CC2D2B: variants seen among roughly 807,000 people sequenced by gnomAD.
The protein encoded by CC2D2B is coiled-coil and C2 domain containing 2B, also known as protein CC2D2B.
Under a neutral mutation model 161.2 loss-of-function variants are expected in CC2D2B, and 128 were observed. The ratio of observed to expected loss-of-function variants is 0.79; its 90% confidence interval spans 0.69 to 0.92. The LOEUF is 0.92. Ranked by LOEUF, CC2D2B falls within the 40% of genes least tolerant of loss-of-function variation. CC2D2B has a pLI of 0.00. For missense variants in CC2D2B, 1,173 were observed against 1,375.1 expected (o/e 0.85, Z 2.32); for synonymous variants, 391 against 449.8 (o/e 0.87, Z 1.65).
intron 9 of CC2D2B, among the ~76,000 whole-genome samples, chr10:95,940,327 T>C (rs574672020): frequency 1.3e-3 from 200 of 152,322 alleles, no homozygotes; most frequent in Non-Finnish European, 2.4e-3. Flanking sequence ...ACATGAGATT[T>C]GGGTGGAGAC....
At chr10:95,970,947 G>T (rs898135488) in intron 15 of CC2D2B, among the ~76,000 whole-genome samples, 5 of 151,978 alleles carry the variant, frequency 3.3e-5, no homozygotes, top group African/African-American at 4.8e-5. Context: ...TTGCTTTCTT[G>T]GCTAATAAGT....
Position 96,013,824 on chromosome 10 carries a change from G to T in CC2D2B, c.3463G>T (p.Val1155Leu). 1 of 1,603,412 alleles carries T rather than the reference G, an allele frequency of 6.2e-7. No homozygotes were observed. The highest frequency in any genetic ancestry group is 8.5e-7 in the Non-Finnish European group (1 of 1,174,216). The change falls in exon 29 of 35, where the codon GTG (valine) becomes TTG (leucine). Residue 1155 changes from valine (V) to leucine (L), a missense_variant. Physicochemically the swap from Val to Leu is conservative, Grantham distance 32 (BLOSUM62 1). This residue lies in a region of CC2D2B where 598 missense variants were observed against 693.2 expected (regional missense o/e 0.86). Transcript: ENST00000646931. Reference protein sequence around the residue: ...IARFVSLIPFVPNTPDENDGS... With the variant: ...IARFVSLIPFLPNTPDENDGS... ...TCGATTTGTATCTTTGATTCCTTTT[G>T]TGCCTAATACACCAGATGAAAATGA... is the stretch of plus-strand genomic sequence containing the variant.
At position 95,965,787 on chromosome 10, in the gene CC2D2B, G is replaced by T. The variant is rs1050613681; in HGVS notation, c.1251-109G>T. 5 of 130,398 alleles carry T rather than the reference G, an allele frequency of 3.8e-5. No individual in the cohort carries two copies. In the East Asian group the frequency reaches 8.6e-4, roughly 23 times the overall value. 8.1% of individuals were successfully genotyped at this position (130,398 alleles called of 1,614,324 possible). A position where few individuals can be genotyped will look rare whatever the true frequency, so the allele number is the denominator to read the frequency against. ...AAATTACTTGTAAGAGATTGGTTTT[G>T]TGTGTGTGTGTGTGTGTGTGTGTGT... On this transcript the variant is annotated intron_variant, in intron 12 of 34. Transcript: ENST00000646931.
chr10:96,027,702 A>C (rs1414833121), intron 34 of CC2D2B, among the ~76,000 whole-genome samples: 4 of 152,208 alleles, frequency 2.6e-5, no homozygotes, highest in Non-Finnish European at 5.9e-5. Flanking sequence ...AAGCAAAAAA[A>C]CCCACAAAAC....
At chr10:95,926,693 A>C (rs186572091) in intron 5 of CC2D2B, among the ~76,000 whole-genome samples, 1 of 152,294 alleles carries the variant, frequency 6.6e-6, no homozygotes, top group African/African-American at 2.4e-5. Flanking sequence ...TTATCAATTC[A>C]AAGAGTCAGA....
chr10:95,963,836 C>A (rs77104678), intron 12 of CC2D2B, among the ~76,000 whole-genome samples: 1 of 152,092 alleles, frequency 6.6e-6, no homozygotes, highest in Non-Finnish European at 1.5e-5. Flanking sequence ...AAAGTTACAG[C>A]GGCAGAAATG....
intron 30 of CC2D2B, 87 bp downstream of exon 30, chr10:96,016,401 T>C: frequency 2.3e-6 from 2 of 852,748 alleles, no homozygotes. Flanking sequence ...AACCCAGGTT[T>C]CCATCTCTTC....
chr10:96,007,758 C>T (rs1338914058), intron 25 of CC2D2B, among the ~76,000 whole-genome samples: 1 of 151,968 alleles, frequency 6.6e-6, no homozygotes, highest in Non-Finnish European at 1.5e-5. Context: ...GATTCTCTGG[C>T]CTTTGGTTGA....
Position 96,032,239 on chromosome 10 carries a change from G to A in CC2D2B, c.*231G>A. ...GAGACCTCTCCAGGAAGGACCTTTG[G>A]ATAGTCTGGCTTTCTTGGGTCACTG... On this transcript the variant is annotated 3_prime_UTR_variant, in exon 35 of 35. Coordinates refer to ENST00000646931, the MANE Select transcript of CC2D2B (RefSeq NM_001349008.3). 1 of 442,032 alleles carries A rather than the reference G, an allele frequency of 2.3e-6. No individual in the cohort carries two copies. Among genetic ancestry groups the A allele is most frequent in the Non-Finnish European group, 4.0e-6 (1 of 247,308 alleles). 27.4% of individuals were successfully genotyped at this position (442,032 alleles called of 1,614,324 possible).
chr10:95,960,493 A>G (rs1273196375), intron 11 of CC2D2B, among the ~76,000 whole-genome samples: 5 of 149,760 alleles, frequency 3.3e-5, no homozygotes, highest in Non-Finnish European at 3.0e-5. Context: ...AGGAAGTGAT[A>G]TAAACTGAGT....
At chr10:95,914,081 T>TTTTATAC (rs2098511473) in intron 2 of CC2D2B, among the ~76,000 whole-genome samples, 1 of 152,196 alleles carries the variant, frequency 6.6e-6, no homozygotes, top group Non-Finnish European at 1.5e-5. Flanking sequence ...CTTTTAGTAG[T>TTTTATAC]TTTATACTTT....
intron 9 of CC2D2B, among the ~76,000 whole-genome samples, chr10:95,944,889 T>A (rs1459222876): frequency 6.6e-6 from 1 of 152,254 alleles, no homozygotes; most frequent in Non-Finnish European, 1.5e-5. Flanking sequence ...CTGCTGTGAT[T>A]TGAATGTGTC....
At chr10:96,031,530 C>T (rs1187479157) in intron 34 of CC2D2B, among the ~76,000 whole-genome samples, 1 of 152,116 alleles carries the variant, frequency 6.6e-6, no homozygotes, top group East Asian at 1.9e-4. Flanking sequence ...AGTTTGCTCT[C>T]TAGAAAGTTT....
At chr10:95,992,138 G>T (rs1236661366) in intron 21 of CC2D2B, among the ~76,000 whole-genome samples, 1 of 152,182 alleles carries the variant, frequency 6.6e-6, no homozygotes, top group Non-Finnish European at 1.5e-5. Context: ...TGGGTTGGCG[G>T]CATATATAAC....
rs757575434 is a variant in CC2D2B, at chr10:96,032,985, T to C, written c.*977T>C. Among the ~76,000 whole-genome samples, 3 of 152,324 alleles carry C rather than the reference T, an allele frequency of 2.0e-5. No individual in the cohort carries two copies. Among genetic ancestry groups the C allele is most frequent in the Non-Finnish European group, 4.4e-5 (3 of 68,032 alleles). ...AGGAAGCACTATACTTTCTTCTAGT[T>C]TATTGTTTTGTCCTTCATTAAAAGA... is the stretch of plus-strand genomic sequence containing the variant. On this transcript the variant is annotated 3_prime_UTR_variant, in exon 35 of 35. Coordinates refer to ENST00000646931, the MANE Select transcript of CC2D2B (RefSeq NM_001349008.3).
At chr10:95,923,890 G>A (rs919150791) in intron 3 of CC2D2B, among the ~76,000 whole-genome samples, 58 of 151,956 alleles carry the variant, frequency 3.8e-4, no homozygotes, top group South Asian at 4.2e-4. Flanking sequence ...GTGTGGTGGC[G>A]CACGCCTGTA....
At chr10:96,000,152 G>A (rs766607327) in intron 24 of CC2D2B, 119 of 1,461,436 alleles carry the variant, frequency 8.1e-5, no homozygotes, top group Middle Eastern at 2.6e-4. Context: ...TTATAGATTC[G>A]CATATACATG....
chr10:96,005,226 C>G (rs1208101336), intron 25 of CC2D2B, among the ~76,000 whole-genome samples: 1 of 152,160 alleles, frequency 6.6e-6, no homozygotes, highest in Non-Finnish European at 1.5e-5. Flanking sequence ...TGAATTATCT[C>G]AAAGACTAAT....
chr10:95,916,986 C>CAA (rs2098517490), intron 2 of CC2D2B, among the ~76,000 whole-genome samples: 1 of 152,074 alleles, frequency 6.6e-6, no homozygotes, highest in African/African-American at 2.4e-5. Context: ...TGAAAGTGGG[C>CAA]TGTTGAAGTC....
Sources: gnomAD v4.1 joint callset for allele counts (sites outside exome capture counted in the v4.1 genomes callset) on GRCh38, gnomAD v4.1.1 for gene constraint, gnomAD v4.1.1 regional missense constraint, MANE v1.5 for transcripts, NCBI Gene and HGNC (gene_info 2026-07-23, HGNC 2026-07-21) for gene names.